Variants in SLIT2 observed in about 807,000 individuals in gnomAD.
SLIT2 encodes slit homolog 2 protein.
A neutral mutation model predicts 185.7 loss-of-function variants in SLIT2; 41 were observed. The observed-to-expected ratio is 0.22, with a 90% CI of 0.17 to 0.29. The LOEUF (loss-of-function observed/expected upper bound fraction) is 0.29. SLIT2 is among the 10% of genes least tolerant of loss of function. SLIT2 has a pLI of 1.00. For synonymous variants in SLIT2, 693 were observed against 680.2 expected, an observed-to-expected ratio of 1.02 and a Z score of -0.29; for missense variants, 1,571 against 1,909.0, an observed-to-expected ratio of 0.82 and a Z score of 3.30.
At chr4:20,509,641 T>C (rs1255128762) in intron 9 of SLIT2, among the ~76,000 whole-genome samples, 2 of 152,142 alleles carry the variant, frequency 1.3e-5, no homozygotes, top group East Asian at 3.9e-4. Flanking sequence ...GAAATGATCA[T>C]AACGATGTTT....
At chr4:20,416,764 A>G (rs1466097983) in intron 4 of SLIT2, among the ~76,000 whole-genome samples, 1 of 152,224 alleles carries the variant, frequency 6.6e-6, no homozygotes, top group Non-Finnish European at 1.5e-5. Flanking sequence ...TGTTCTCACA[A>G]AAAGAGGAAA....
intron 4 of SLIT2, among the ~76,000 whole-genome samples, chr4:20,412,627 A>G (rs1003269497): frequency 2.0e-5 from 3 of 152,074 alleles, no homozygotes; most frequent in Non-Finnish European, 4.4e-5. Flanking sequence ...TTACCTTATT[A>G]CTCATAATTT....
At chr4:20,558,885 C>A (rs1724472327) in intron 26 of SLIT2, among the ~76,000 whole-genome samples, 1 of 151,832 alleles carries the variant, frequency 6.6e-6, no homozygotes, top group Admixed American at 6.6e-5. Flanking sequence ...ATGGCTAATG[C>A]AATTGAGAAA....
intron 4 of SLIT2, among the ~76,000 whole-genome samples, chr4:20,370,710 G>T (rs924153313): frequency 6.6e-6 from 1 of 152,076 alleles, no homozygotes. Flanking sequence ...TGACTATAAA[G>T]TACTGATTTG....
intron 4 of SLIT2, among the ~76,000 whole-genome samples, chr4:20,354,637 C>G (rs542107647): frequency 2.6e-5 from 4 of 152,162 alleles, no homozygotes; most frequent in African/African-American, 9.6e-5. Flanking sequence ...TAAAAACTGA[C>G]TATATTTTTG....
Position 20,252,051 on chromosome 4 carries a change from C to G in SLIT2, c.-1765C>G, listed in dbSNP as rs921271508. On this transcript the variant is annotated 5_prime_UTR_variant, in exon 1 of 37. Transcript: ENST00000504154. ...AGGCAGCTGCGAGGCATGGGAGCGC[C>G]GAAGCGCCCAGGCGCAGGCCGAAGC... Among the ~76,000 whole-genome samples the G allele has an allele frequency of 1.3e-5, 2 of 152,122 alleles. No homozygotes were observed. The highest frequency in any genetic ancestry group is 6.5e-5 in the Admixed American group (1 of 15,282).
intron 4 of SLIT2, among the ~76,000 whole-genome samples, chr4:20,300,604 GCA>G (rs3046031): frequency 0.7 from 106,325 of 151,088 alleles, 37,671 homozygotes; most frequent in East Asian, 0.93. Context: ...GTGCAGACAT[GCA>G]CACACACACA....
chr4:20,388,834 AAT>A (rs1725154451), intron 4 of SLIT2, among the ~76,000 whole-genome samples: 1 of 145,990 alleles, frequency 6.8e-6, no homozygotes, highest in Admixed American at 6.9e-5. Flanking sequence ...TATAATATAT[AAT>A]ATATATAAAA....
intron 4 of SLIT2, among the ~76,000 whole-genome samples, chr4:20,319,532 A>G (rs532672310): frequency 6.6e-6 from 1 of 152,298 alleles, no homozygotes; most frequent in African/African-American, 2.4e-5. Flanking sequence ...GCAGTGTAAC[A>G]ATAATAGCAC....
At chr4:20,494,131 G>A (rs1718020280) in intron 9 of SLIT2, among the ~76,000 whole-genome samples, 1 of 152,232 alleles carries the variant, frequency 6.6e-6, no homozygotes, top group South Asian at 2.1e-4. Context: ...GTGTGCCAGT[G>A]ATTTGACAAA....
At chr4:20,424,043 A>G (rs977685313) in intron 4 of SLIT2, among the ~76,000 whole-genome samples, 2 of 152,174 alleles carry the variant, frequency 1.3e-5, no homozygotes, top group African/African-American at 4.8e-5. Context: ...TCATAAAATT[A>G]GTAAATTAAA....
chr4:20,562,406 T>A (rs1333846979), intron 26 of SLIT2, among the ~76,000 whole-genome samples: 1 of 151,814 alleles, frequency 6.6e-6, no homozygotes, highest in Non-Finnish European at 1.5e-5. Flanking sequence ...GCCATGGCTT[T>A]TCTTAAGAAC....
intron 3 of SLIT2, among the ~76,000 whole-genome samples, chr4:20,261,649 A>G (rs192794791): frequency 9.9e-5 from 15 of 151,992 alleles, no homozygotes; most frequent in African/African-American, 2.6e-4. Flanking sequence ...TACAAATGCA[A>G]AAGTATGAGA....
intron 4 of SLIT2, among the ~76,000 whole-genome samples, chr4:20,353,993 T>C (rs1722096255): frequency 1.3e-5 from 2 of 152,152 alleles, no homozygotes; most frequent in African/African-American, 4.8e-5. Flanking sequence ...TCATGTTCAT[T>C]GCGTAGGATA....
chr4:20,479,708 C>T (rs1716501658), intron 5 of SLIT2, among the ~76,000 whole-genome samples: 1 of 151,340 alleles, frequency 6.6e-6, no homozygotes, highest in Non-Finnish European at 1.5e-5. Flanking sequence ...TCAATATGAA[C>T]AAGAAAATTT....
In SLIT2 at chr4:20,618,837, C is replaced by T. The variant is rs1176375723; in HGVS notation, c.4418C>T (p.Thr1473Ile). The change falls in exon 37 of 37, where the codon ACA becomes ATA. Residue 1473 changes from threonine (T) to isoleucine (I), a missense_variant. By Grantham distance (89) the Thr-to-Ile change is moderately conservative (BLOSUM62 -1). Coordinates refer to ENST00000504154, the MANE Select transcript of SLIT2 (RefSeq NM_004787.4). The stretch of plus-strand genomic sequence containing the variant: ...CAGCAGGGCTATGCTGCTTGCCAAA[C>T]AACCAAGAAGGTGTCCCGATTAGAG... ...QKQQGYAACQ[T>I]TKKVSRLECR... 6.2e-7 allele frequency: 1 copy of T among 1,613,950 alleles called. No homozygotes were observed. Among genetic ancestry groups the T allele is most frequent in the Non-Finnish European group, 8.5e-7 (1 of 1,179,940 alleles).
Position 20,620,223 on chromosome 4 carries a change from G to C in SLIT2, c.*1214G>C, listed in dbSNP as rs9070. On this transcript the variant is annotated 3_prime_UTR_variant, in exon 37 of 37. Coordinates refer to ENST00000504154, the MANE Select transcript of SLIT2 (RefSeq NM_004787.4). Reference sequence around the variant, plus strand: ...TGTCCTTGACCTTTTTTGCCCTTTTGTGGGGGTGAGGTGGGGATAAAAAGA... The same window carrying C: ...TGTCCTTGACCTTTTTTGCCCTTTTCTGGGGGTGAGGTGGGGATAAAAAGA... 62,432 of 317,548 alleles carry C rather than the reference G, an allele frequency of 0.2. 7,213 individuals carry two copies. Among genetic ancestry groups the C allele is most frequent in the African/African-American group, 0.38 (17,290 of 45,470 alleles). 19.7% of individuals were successfully genotyped at this position (317,548 alleles called of 1,614,324 possible).
intron 4 of SLIT2, among the ~76,000 whole-genome samples, chr4:20,287,276 G>A (rs1715352598): frequency 6.6e-6 from 1 of 152,080 alleles, no homozygotes; most frequent in African/African-American, 2.4e-5. Flanking sequence ...CTGCTCTACT[G>A]ACCTACCTGA....
intron 11 of SLIT2, among the ~76,000 whole-genome samples, chr4:20,513,080 A>G (rs1193718088): frequency 6.6e-6 from 1 of 152,204 alleles, no homozygotes; most frequent in Non-Finnish European, 1.5e-5. Flanking sequence ...ATTTGCTAAC[A>G]CATGTAAAAT....
Sources: gnomAD v4.1 joint callset for allele counts (sites outside exome capture counted in the v4.1 genomes callset) on GRCh38, gnomAD v4.1.1 for gene constraint, MANE v1.5 for transcripts, NCBI Gene and HGNC (gene_info 2026-07-23, HGNC 2026-07-21) for gene names.